Variants in MPDZ observed in about 807,000 individuals in gnomAD.
The protein encoded by MPDZ is multiple PDZ domain crumbs cell polarity complex component.
Under a neutral mutation model 239.1 loss-of-function variants are expected in MPDZ, and 234 were observed. The observed-to-expected ratio is 0.98, with a 90% CI of 0.88 to 1.09. MPDZ has a LOEUF of 1.09. Ranked by LOEUF, MPDZ falls within the 50% of genes least tolerant of loss-of-function variation. The pLI, the probability that MPDZ is intolerant of heterozygous loss-of-function variation, is 0.00. For missense variants in MPDZ, 3,175 were observed against 2,510.0 expected (o/e 1.26, Z -5.66); for synonymous variants, 1,048 against 881.3 (o/e 1.19, Z -3.35).
chr9:13,237,246 C>A (rs2137106570), intron 3 of MPDZ, among the ~76,000 whole-genome samples: 1 of 151,558 alleles, frequency 6.6e-6, no homozygotes, highest in Non-Finnish European at 1.5e-5. Context: ...AGTTCGAGAC[C>A]CGCCTGAGCA....
rs189471974 is a variant in MPDZ, at chr9:13,110,971, A to T, written c.5725-231T>A. 2.8e-4 allele frequency among the ~76,000 whole-genome samples: 42 copies of T among 152,336 alleles called. No individual in the cohort carries two copies. In the East Asian group the frequency reaches 8.1e-3, roughly 29 times the overall value. ...CATATCCAGGGGAGAGGGAGGGAGAAGGAGAAAGTCACTCTTCCCTGCTCT... is the reference window on the plus strand; with the variant it reads ...CATATCCAGGGGAGAGGGAGGGAGATGGAGAAAGTCACTCTTCCCTGCTCT... On this transcript the variant is annotated intron_variant, in intron 43 of 46. Coordinates refer to ENST00000319217, the MANE Select transcript of MPDZ (RefSeq NM_001378778.1).
At chr9:13,203,067 T>C (rs1277058082) in intron 12 of MPDZ, among the ~76,000 whole-genome samples, 1 of 152,188 alleles carries the variant, frequency 6.6e-6, no homozygotes, top group Non-Finnish European at 1.5e-5. Flanking sequence ...AGGTGATGGA[T>C]ATGCTAATTA....
At chr9:13,125,568 G>A (rs1219886003) in intron 34 of MPDZ, among the ~76,000 whole-genome samples, 178 bp from the exon 35 acceptor site, 1 of 152,120 alleles carries the variant, frequency 6.6e-6, no homozygotes, top group Admixed American at 6.6e-5. Context: ...TTTCTCTCTA[G>A]CTTTTCCAAA....
intron 40 of MPDZ, 60 bp from the exon 41 acceptor site, chr9:13,114,081 A>T (rs1032329808): frequency 7.9e-7 from 1 of 1,269,582 alleles, no homozygotes; most frequent in African/African-American, 1.5e-5. Flanking sequence ...CCTAAATACC[A>T]CTTATTTCAG....
intron 28 of MPDZ, among the ~76,000 whole-genome samples, chr9:13,138,487 G>A (rs1248763761): frequency 6.6e-6 from 1 of 152,176 alleles, no homozygotes; most frequent in Non-Finnish European, 1.5e-5. Flanking sequence ...ATTTGCAGAG[G>A]AGAACAGAAC....
intron 32 of MPDZ, among the ~76,000 whole-genome samples, chr9:13,129,420 A>AC (rs1383798636): frequency 6.6e-6 from 1 of 152,060 alleles, no homozygotes; most frequent in Non-Finnish European, 1.5e-5. Context: ...CCAAGATCAC[A>AC]CCACTGCATT....
chr9:13,147,458 T>C, intron 26 of MPDZ, 90 bp downstream of exon 26: 3 of 927,376 alleles, frequency 3.2e-6, no homozygotes, highest in Non-Finnish European at 5.3e-6. Flanking sequence ...TCACTATCTT[T>C]ACTCATACAG....
chr9:13,150,748 T>A (rs948904264), intron 24 of MPDZ, 60 bp from the exon 25 acceptor site: 1 of 1,169,568 alleles, frequency 8.6e-7, no homozygotes, highest in Non-Finnish European at 1.1e-6. Context: ...AGCTTCATGA[T>A]GCTGAATTTG....
intron 45 of MPDZ, 144 bp downstream of exon 45, chr9:13,109,808 C>G: frequency 3.1e-6 from 2 of 651,874 alleles, no homozygotes; most frequent in African/African-American, 1.8e-5. Flanking sequence ...TTTAGAAGCA[C>G]CTGATATGTA....
chr9:13,123,093 T>A (rs1174460344), intron 36 of MPDZ, 60 bp downstream of exon 36: 6 of 1,492,338 alleles, frequency 4.0e-6, no homozygotes, highest in Non-Finnish European at 4.5e-6. Flanking sequence ...CTCCCCATAA[T>A]CGTCTCTGAG....
At chr9:13,276,743 T>C (rs1271920149) in intron 1 of MPDZ, 1 of 152,170 alleles carries the variant, frequency 6.6e-6, no homozygotes, top group Admixed American at 6.5e-5. Context: ...TTTCCAAATA[T>C]ACAAAATGTA....
rs535598404 is a variant in MPDZ, at chr9:13,136,154, C to A, written c.4321G>T (p.Val1441Leu). The A allele has an allele frequency of 6.2e-7, 1 of 1,612,244 alleles. No individual in the cohort carries two copies. The highest frequency in any genetic ancestry group is 8.5e-7 in the Non-Finnish European group (1 of 1,178,964). The change falls in exon 31 of 47, where the codon GTA (valine) becomes TTA (leucine). Residue 1441 changes from valine to leucine, a missense_variant. Val to Leu is a conservative substitution (Grantham distance 32). Transcript: ENST00000319217. ...GGTTCTACTGCATTTCCAGGACATACGGCCATCTGATTCACTGCATCTTTA... is the reference window on the plus strand; with the variant it reads ...GGTTCTACTGCATTTCCAGGACATAAGGCCATCTGATTCACTGCATCTTTA... ...RNKDAVNQMA[V>L]CPGNAVEPLP... is the part of the protein sequence containing the mutation.
At chr9:13,123,351 T>G (rs1944651309) in intron 35 of MPDZ, 53 bp from the exon 36 acceptor site, 2 of 1,471,278 alleles carry the variant, frequency 1.4e-6, no homozygotes, top group African/African-American at 2.8e-5. Flanking sequence ...CTAAGGCATA[T>G]CCATCAAACT....
Position 13,143,569 on chromosome 9 carries a change from A to T in MPDZ, c.3742-5T>A, listed in dbSNP as rs529214203. The T allele has an allele frequency of 6.2e-7, 1 of 1,608,808 alleles. No individual in the cohort carries two copies. On this transcript the variant is annotated splice_polypyrimidine_tract_variant and splice_region_variant and intron_variant, in intron 26 of 46. Coordinates refer to ENST00000319217, the MANE Select transcript of MPDZ (RefSeq NM_001378778.1). ...CAAGGAAGGCAAAGGGGATTTCTAA[A>T]AGGAAACATAAGAGGCGCTGAACGC...
intron 2 of MPDZ, among the ~76,000 whole-genome samples, chr9:13,249,698 T>C (rs1588113102): frequency 1.3e-5 from 2 of 152,198 alleles, no homozygotes; most frequent in Admixed American, 6.5e-5. Flanking sequence ...TTGCATGTAT[T>C]GTACCATACC....
At position 13,204,161 on chromosome 9, in the gene MPDZ, G is replaced by C. The variant is rs749706950; in HGVS notation, c.1546+875C>G. On this transcript the variant is annotated intron_variant, in intron 12 of 46. Transcript: ENST00000319217. Reference sequence around the variant, plus strand: ...GTATAAGTATATTCACATGAAGGGAGGGAGATCAGTCTTGTATTCTGTTCA... The same window carrying C: ...GTATAAGTATATTCACATGAAGGGACGGAGATCAGTCTTGTATTCTGTTCA... Among the ~76,000 whole-genome samples the C allele has an allele frequency of 1.2e-4, 18 of 152,226 alleles. No homozygotes were observed. In the South Asian group the frequency reaches 1.5e-3, roughly 12 times the overall value.
rs893126652 is a variant in MPDZ at position 13,106,262 on chromosome 9, G to C, written c.*703C>G. The C allele has an allele frequency of 2.0e-5, 3 of 151,918 alleles. No individual in the cohort carries two copies. Among genetic ancestry groups the C allele is most frequent in the Non-Finnish European group, 4.4e-5 (3 of 67,984 alleles). 9.4% of individuals were successfully genotyped at this position (151,918 alleles called of 1,614,324 possible). On this transcript the variant is annotated 3_prime_UTR_variant, in exon 47 of 47. Transcript: ENST00000319217. ...GCAACATGAAAATATTTTACAAAAG[G>C]TCAAAAATAAGAATGAAAATTGAAA... is the stretch of plus-strand genomic sequence containing the variant.
rs565238401 is a variant in MPDZ, at chr9:13,107,025, T to C, written c.6153A>G (p.Glu2051=). ...TCCGTTTAAGGATGGCAACAGCTTC[T>C]TCATGGGTGACTCCTTCTAGACTCT... ...NGQSLEGVTH[E]EAVAILKRTK... is the part of the protein sequence containing the mutation. Residue 2051 remains glutamate (E), a synonymous_variant, in exon 47 of 47, where the codon GAA becomes GAG. Transcript: ENST00000319217. The C allele has an allele frequency of 5.6e-6, 9 of 1,613,412 alleles. No individual in the cohort carries two copies. In the Admixed American group the frequency reaches 1.5e-4, roughly 27 times the overall value.
At chr9:13,126,385 T>A in intron 34 of MPDZ, 131 bp downstream of exon 34, 1 of 535,864 alleles carries the variant, frequency 1.9e-6, no homozygotes, top group Admixed American at 3.9e-5. Flanking sequence ...TTCTGAACAA[T>A]CTCTTCTTTT....
Sources: allele counts gnomAD v4.1 joint callset (sites outside exome capture counted in the v4.1 genomes callset), GRCh38; gene constraint gnomAD v4.1.1; transcripts MANE v1.5; gene names NCBI Gene and HGNC (gene_info 2026-07-23, HGNC 2026-07-21).